Variants in NCAPH observed in about 807,000 individuals in gnomAD.
NCAPH encodes the protein non-SMC condensin I complex subunit H.
A neutral mutation model predicts 85.5 loss-of-function variants in NCAPH; 38 were observed. The ratio of observed to expected loss-of-function variants is 0.44; its 90% confidence interval spans 0.34 to 0.58. NCAPH has a LOEUF of 0.58. NCAPH is among the 20% of genes least tolerant of loss of function. The pLI, the probability that NCAPH is intolerant of heterozygous loss-of-function variation, is 0.01. For missense variants in NCAPH, 789 were observed against 916.6 expected (o/e 0.86, Z 1.80); for synonymous variants, 301 against 335.1 (o/e 0.90, Z 1.11).
At chr2:96,372,966 G>A (rs748816298) in intron 17 of NCAPH, among the ~76,000 whole-genome samples, 11 of 152,120 alleles carry the variant, frequency 7.2e-5, no homozygotes, top group Non-Finnish European at 1.6e-4. Context: ...ATATGTATGT[G>A]TTGTGGCTCC....
At chr2:96,366,136 C>A in intron 14 of NCAPH, 78 bp downstream of exon 14, 1 of 1,464,736 alleles carries the variant, frequency 6.8e-7, no homozygotes, top group East Asian at 2.4e-5. Flanking sequence ...GTCACGCAAT[C>A]TGAGCTTGAT....
At chr2:96,371,082 AAAAT>A (rs1260954709) in intron 17 of NCAPH, among the ~76,000 whole-genome samples, 1 of 152,266 alleles carries the variant, frequency 6.6e-6, no homozygotes, top group East Asian at 1.9e-4. Context: ...AAGAAAATAA[AAAAT>A]AAATTATTAT....
intron 1 of NCAPH, among the ~76,000 whole-genome samples, chr2:96,340,150 T>C (rs1013429195): frequency 6.6e-6 from 1 of 151,952 alleles, no homozygotes; most frequent in Non-Finnish European, 1.5e-5. Flanking sequence ...CTCGAACTCC[T>C]GACCTCATGT....
rs570808769 is a variant in NCAPH, at chr2:96,351,632, C to T, written c.721-199C>T. On this transcript the variant is annotated intron_variant, in intron 6 of 17. Coordinates refer to ENST00000240423, the MANE Select transcript of NCAPH (RefSeq NM_015341.5). ...GCAGTGAGCCAATATCATGCCACTG[C>T]ACTCCAGCCTGGGCGGCAGAGCAAG... Among the ~76,000 whole-genome samples, 8 of 148,526 alleles carry T rather than the reference C, an allele frequency of 5.4e-5. No individual in the cohort carries two copies. In the South Asian group the frequency reaches 1.7e-3, roughly 32 times the overall value.
intron 9 of NCAPH, among the ~76,000 whole-genome samples, chr2:96,357,842 T>G (rs1403076297): frequency 6.6e-6 from 1 of 152,206 alleles, no homozygotes; most frequent in Admixed American, 6.5e-5. Flanking sequence ...GGGAACTATA[T>G]GTAGGCTCAA....
At chr2:96,351,310 GTA>G (rs1408950998) in intron 6 of NCAPH, among the ~76,000 whole-genome samples, 1 of 152,198 alleles carries the variant, frequency 6.6e-6, no homozygotes, top group African/African-American at 2.4e-5. Context: ...TTCTGGAGCA[GTA>G]TATGTTTATC....
intron 15 of NCAPH, among the ~76,000 whole-genome samples, chr2:96,368,219 T>C (rs1325019994): frequency 6.6e-6 from 1 of 152,240 alleles, no homozygotes; most frequent in Non-Finnish European, 1.5e-5. Flanking sequence ...GAGAAAGCTC[T>C]TCAGTCATAT....
intron 1 of NCAPH, among the ~76,000 whole-genome samples, chr2:96,339,636 G>A (rs892804859): frequency 3.1e-4 from 46 of 149,626 alleles, no homozygotes; most frequent in African/African-American, 3.9e-4. Flanking sequence ...CCTTGTCATC[G>A]TTTGCTGTCT....
At chr2:96,346,353 G>C (rs2064360968) in intron 6 of NCAPH, among the ~76,000 whole-genome samples, 1 of 152,132 alleles carries the variant, frequency 6.6e-6, no homozygotes, top group Non-Finnish European at 1.5e-5. Context: ...AGACAACTTA[G>C]GGTCTACTTG....
At chr2:96,360,270 G>T in intron 11 of NCAPH, 21 bp downstream of exon 11, 1 of 1,287,596 alleles carries the variant, frequency 7.8e-7, no homozygotes, top group Non-Finnish European at 1.1e-6. Context: ...AATTTATTAG[G>T]ATTGTGCTTA....
At chr2:96,345,499 T>C (rs535310960) in intron 6 of NCAPH, among the ~76,000 whole-genome samples, 5 of 152,312 alleles carry the variant, frequency 3.3e-5, no homozygotes, top group Admixed American at 2.6e-4. Context: ...TGGGTGACGC[T>C]CTCCTAACAT....
chr2:96,338,725 G>T (rs901186024), intron 1 of NCAPH, among the ~76,000 whole-genome samples: 1 of 152,182 alleles, frequency 6.6e-6, no homozygotes, highest in African/African-American at 2.4e-5. Flanking sequence ...AAAAGGCGAG[G>T]AACAGATCCT....
rs1351582982 is a variant in NCAPH at position 96,365,943 on chromosome 2, C to T, written c.1766C>T (p.Ser589Leu). The part of the protein sequence containing the change: ...FVGPVGNSDL[S>L]PYPCHPPKTA... ...GGACCTGTTGGGAACTCTGACCTCT[C>T]ACCTTATCCTTGCCATCCACCTAAG... Residue 589 changes from serine (S) to leucine (L), a missense_variant, in exon 14 of 18, where the codon TCA (serine) becomes TTA (leucine). Ser to Leu is a moderately radical substitution (Grantham distance 145). Coordinates refer to ENST00000240423, the MANE Select transcript of NCAPH (RefSeq NM_015341.5). 1.2e-6 allele frequency: 2 copies of T among 1,614,202 alleles called. No homozygotes were observed. The highest frequency in any genetic ancestry group is 2.2e-5 in the East Asian group (1 of 44,882).
At chr2:96,346,304 G>A (rs2064360597) in intron 6 of NCAPH, among the ~76,000 whole-genome samples, 1 of 152,136 alleles carries the variant, frequency 6.6e-6, no homozygotes. Flanking sequence ...TCTAGGAGGT[G>A]GGCGAGTACA....
At chr2:96,345,012 A>G (rs892359406) in intron 6 of NCAPH, among the ~76,000 whole-genome samples, 1 of 152,202 alleles carries the variant, frequency 6.6e-6, no homozygotes, top group Non-Finnish European at 1.5e-5. Context: ...TCTTACCTCC[A>G]CAACATTCAT....
chr2:96,335,970 C>A, intron 1 of NCAPH, 122 bp downstream of exon 1: 1 of 1,130,882 alleles, frequency 8.8e-7, no homozygotes, highest in Non-Finnish European at 1.2e-6. Flanking sequence ...GGGTCTTGGC[C>A]CTGCGGCTGA....
rs530909827 is a variant in NCAPH at position 96,348,124 on chromosome 2, G to A, written c.721-3707G>A. On this transcript the variant is annotated intron_variant, in intron 6 of 17. Coordinates refer to ENST00000240423, the MANE Select transcript of NCAPH (RefSeq NM_015341.5). ...TCACTGTCATATACTATAAAAAATG[G>A]GGAACGCTGGCCCCAACCACATCTC... 2.0e-4 allele frequency among the ~76,000 whole-genome samples: 31 copies of A among 152,168 alleles called. No homozygotes were observed. The South Asian group carries it at 6.2e-3, about 31-fold the overall frequency.
At chr2:96,354,108 G>T in intron 8 of NCAPH, 75 bp from the exon 9 acceptor site, 1 of 1,431,312 alleles carries the variant, frequency 7.0e-7, no homozygotes, top group African/African-American at 1.4e-5. Context: ...TTAAGGGTGA[G>T]AAGGCTGTCC....
chr2:96,343,101 G>A, intron 4 of NCAPH, 65 bp from the exon 5 acceptor site: 6 of 1,594,364 alleles, frequency 3.8e-6, no homozygotes, highest in Non-Finnish European at 5.1e-6. Context: ...AGCTTGCTGT[G>A]TTTTACCTGT....
Sources: gnomAD v4.1 joint callset for allele counts (sites outside exome capture counted in the v4.1 genomes callset) on GRCh38, gnomAD v4.1.1 for gene constraint, MANE v1.5 for transcripts, NCBI Gene and HGNC (gene_info 2026-07-23, HGNC 2026-07-21) for gene names.